Variants in THSD7B observed in about 807,000 individuals in gnomAD.
The protein encoded by THSD7B is thrombospondin type-1 domain-containing protein 7B.
THSD7B carries 138 observed loss-of-function variants against 213.6 expected under a neutral mutation model. The observed-to-expected ratio is 0.65, with a 90% CI of 0.56 to 0.74. The LOEUF is 0.74. Ranked by LOEUF, THSD7B falls within the 30% of genes least tolerant of loss-of-function variation. The probability of loss-of-function intolerance (pLI) is 0.00; values close to 1 mark genes in which losing one functional copy is unlikely to be tolerated. For missense variants in THSD7B, 1,931 were observed against 1,991.5 expected, an observed-to-expected ratio of 0.97 and a Z score of 0.58; for synonymous variants, 742 against 687.0, an observed-to-expected ratio of 1.08 and a Z score of -1.25.
chr2:137,205,657 T>C (rs533636165), intron 7 of THSD7B, among the ~76,000 whole-genome samples: 1 of 152,182 alleles, frequency 6.6e-6, no homozygotes, highest in Non-Finnish European at 1.5e-5. Flanking sequence ...ACAAATTTTT[T>C]CCAAGTTCAT....
At chr2:137,068,262 T>A (rs1687416803) in intron 3 of THSD7B, among the ~76,000 whole-genome samples, 1 of 152,086 alleles carries the variant, frequency 6.6e-6, no homozygotes, top group Non-Finnish European at 1.5e-5. Flanking sequence ...CATTATCTCT[T>A]CTGAGTTCTA....
chr2:137,655,658 C>A lies in THSD7B; in HGVS notation c.4103C>A (p.Pro1368Gln). The A allele has an allele frequency of 6.2e-7, 1 of 1,612,104 alleles. No individual in the cohort carries two copies. The highest frequency in any genetic ancestry group is 8.5e-7 in the Non-Finnish European group (1 of 1,179,114). ...ILKQLCSVPC[P>Q]GDCHLTEWSE... ...AAGCAGCTGTGTTCTGTGCCTTGCC[C>A]AGGTATGCAATGCTAGTGATTGGGA... Residue 1368 changes from proline to glutamine, a missense_variant and splice_region_variant, in exon 22 of 28, where the codon CCA becomes CAA. Coordinates refer to ENST00000409968, the MANE Select transcript of THSD7B (RefSeq NM_001316349.2).
chr2:137,505,917 C>T (rs1679823501), intron 15 of THSD7B, among the ~76,000 whole-genome samples: 1 of 152,156 alleles, frequency 6.6e-6, no homozygotes, highest in African/African-American at 2.4e-5. Context: ...GTTATAATAA[C>T]TGGCATAGTG....
intron 9 of THSD7B, among the ~76,000 whole-genome samples, chr2:137,242,042 A>G (rs1681918956): frequency 6.6e-6 from 1 of 152,000 alleles, no homozygotes; most frequent in South Asian, 2.1e-4. Flanking sequence ...ATATATGTTT[A>G]TATTTCTTTT....
At chr2:137,013,250 A>G (rs1686263664) in intron 2 of THSD7B, among the ~76,000 whole-genome samples, 1 of 152,206 alleles carries the variant, frequency 6.6e-6, no homozygotes, top group African/African-American at 2.4e-5. Flanking sequence ...ATATGAAACA[A>G]TAGGTTTGAA....
At chr2:137,652,381 T>G (rs1322291612) in intron 21 of THSD7B, among the ~76,000 whole-genome samples, 1 of 152,144 alleles carries the variant, frequency 6.6e-6, no homozygotes, top group Admixed American at 6.5e-5. Context: ...CCTTCTCTTT[T>G]TGGTTTCCAG....
intron 1 of THSD7B, among the ~76,000 whole-genome samples, chr2:136,837,185 C>T (rs754542746): frequency 6.6e-6 from 1 of 152,112 alleles, no homozygotes; most frequent in Non-Finnish European, 1.5e-5. Flanking sequence ...TCTTGTCATC[C>T]CCTGTCTTCC....
chr2:136,998,181 C>T (rs896235272), intron 2 of THSD7B, among the ~76,000 whole-genome samples: 1 of 145,914 alleles, frequency 6.9e-6, no homozygotes, highest in Non-Finnish European at 1.5e-5. Flanking sequence ...CATTAGGAAC[C>T]TTGAAAGCCT....
At chr2:137,630,588 C>T (rs1416383416) in intron 20 of THSD7B, among the ~76,000 whole-genome samples, 1 of 152,148 alleles carries the variant, frequency 6.6e-6, no homozygotes, top group Non-Finnish European at 1.5e-5. Context: ...GAAAAACAAA[C>T]AGTAAATGAA....
At chr2:137,283,586 T>C (rs1362030489) in intron 12 of THSD7B, among the ~76,000 whole-genome samples, 3 of 152,214 alleles carry the variant, frequency 2.0e-5, no homozygotes, top group African/African-American at 7.2e-5. Context: ...AATAGCTAAT[T>C]TATTGAGAGT....
intron 2 of THSD7B, among the ~76,000 whole-genome samples, chr2:136,971,822 A>G (rs1685409764): frequency 6.6e-6 from 1 of 152,144 alleles, no homozygotes; most frequent in Admixed American, 6.6e-5. Context: ...ATCTCTCATA[A>G]TAAGAAGTTT....
intron 12 of THSD7B, among the ~76,000 whole-genome samples, chr2:137,305,488 C>G (rs1035128899): frequency 6.6e-6 from 1 of 152,098 alleles, no homozygotes; most frequent in Non-Finnish European, 1.5e-5. Context: ...CTATCTTTAA[C>G]CTTGCTTAGA....
intron 1 of THSD7B, among the ~76,000 whole-genome samples, chr2:136,828,352 G>A (rs754192984): frequency 1.3e-4 from 20 of 151,936 alleles, no homozygotes; most frequent in East Asian, 1.9e-4. Context: ...ACCCATATCC[G>A]TTACATCAGC....
intron 2 of THSD7B, among the ~76,000 whole-genome samples, chr2:136,986,049 A>G (rs1055556530): frequency 1.3e-5 from 2 of 152,204 alleles, no homozygotes; most frequent in African/African-American, 4.8e-5. Flanking sequence ...TGGATACCTA[A>G]TGCATGTACC....
chr2:137,637,175 G>T (rs958358389), intron 20 of THSD7B, among the ~76,000 whole-genome samples: 6 of 152,148 alleles, frequency 3.9e-5, no homozygotes, highest in Non-Finnish European at 8.8e-5. Flanking sequence ...TAGCTGCTTG[G>T]TTGAATATTC....
intron 7 of THSD7B, among the ~76,000 whole-genome samples, chr2:137,218,363 T>G (rs9678505): frequency 0.037 from 5,647 of 152,188 alleles, 376 homozygotes; most frequent in African/African-American, 0.13. Flanking sequence ...TTGCTTAAGT[T>G]CACTCCTTGT....
Position 137,149,821 on chromosome 2 carries a change from T to TTA in THSD7B, c.1370-10389_1370-10388dup, listed in dbSNP as rs754659394. On this transcript the variant is annotated intron_variant, in intron 5 of 27. Transcript: ENST00000409968. ...GGAAGTAACTAACTTGCTTTTGATT[T>TTA]TATAGGCTTATAGGTGGAAGGGACA... Among the ~76,000 whole-genome samples the TTA allele has an allele frequency of 2.7e-4, 41 of 152,348 alleles. No individual in the cohort carries two copies. In the Middle Eastern group the frequency reaches 0.014, roughly 51 times the overall value.
intron 15 of THSD7B, among the ~76,000 whole-genome samples, chr2:137,506,258 C>G (rs1679831952): frequency 6.6e-6 from 1 of 152,196 alleles, no homozygotes; most frequent in East Asian, 1.9e-4. Context: ...TGTTTCAGAA[C>G]TGAGTCGTGG....
intron 12 of THSD7B, among the ~76,000 whole-genome samples, chr2:137,355,719 G>C (rs1685111554): frequency 6.6e-6 from 1 of 152,142 alleles, no homozygotes; most frequent in Non-Finnish European, 1.5e-5. Context: ...AAACTGCTTA[G>C]CTTTGAGTCC....
Sources: allele counts gnomAD v4.1 joint callset (sites outside exome capture counted in the v4.1 genomes callset), GRCh38; gene constraint gnomAD v4.1.1; transcripts MANE v1.5; gene names NCBI Gene and HGNC (gene_info 2026-07-23, HGNC 2026-07-21).